BABAM2: variants seen among roughly 807,000 people sequenced by gnomAD.
BABAM2 encodes the protein BRISC and BRCA1 A complex member 2.
Under a neutral mutation model 54.7 loss-of-function variants are expected in BABAM2, and 31 were observed. That is an observed-to-expected ratio of 0.57 (90% CI 0.43 to 0.77). The LOEUF (loss-of-function observed/expected upper bound fraction) is 0.77, where lower values mean the gene tolerates loss of function less well. Among genes scored for constraint, BABAM2 ranks in the 30% least tolerant of loss-of-function variants. The pLI is 0.00. For missense variants in BABAM2, 364 were observed against 455.8 expected, an observed-to-expected ratio of 0.80 and a Z score of 1.83; for synonymous variants, 167 against 162.9, an observed-to-expected ratio of 1.03 and a Z score of -0.19.
rs146319502 is a variant in BABAM2 at position 27,931,705 on chromosome 2, A to G, written c.205+1797A>G. Among the ~76,000 whole-genome samples, 512 of 152,312 alleles carry G rather than the reference A, an allele frequency of 3.4e-3. 1 individual carries two copies. Among genetic ancestry groups the G allele is most frequent in the Non-Finnish European group, 5.2e-3 (357 of 68,020 alleles). On this transcript the variant is annotated intron_variant, in intron 3 of 11. Transcript: ENST00000379624. ...AGTAAGTACCTGGTACCTGGTACAC[A>G]GTTAGCTTCGTTATTACTTAAGGAC... is the stretch of plus-strand genomic sequence containing the variant.
chr2:28,137,379 A>G (rs1341206766), intron 7 of BABAM2, among the ~76,000 whole-genome samples: 1 of 152,178 alleles, frequency 6.6e-6, no homozygotes, highest in Non-Finnish European at 1.5e-5. Flanking sequence ...TGATTTTGGT[A>G]GAGAGAGCTG....
intron 6 of BABAM2, among the ~76,000 whole-genome samples, chr2:28,098,071 C>A (rs1292049924): frequency 6.6e-6 from 1 of 152,180 alleles, no homozygotes; most frequent in African/African-American, 2.4e-5. Context: ...ACTTTTCCAA[C>A]ACATGTTTTA....
At chr2:28,193,310 G>C (rs560139115) in intron 7 of BABAM2, among the ~76,000 whole-genome samples, 2 of 152,182 alleles carry the variant, frequency 1.3e-5, no homozygotes, top group South Asian at 2.1e-4. Context: ...CTACATTCTT[G>C]AGCCCTAGGT....
intron 7 of BABAM2, among the ~76,000 whole-genome samples, chr2:28,163,479 C>T (rs1673309177): frequency 6.6e-6 from 1 of 152,072 alleles, no homozygotes; most frequent in Non-Finnish European, 1.5e-5. Context: ...AGAAAATGTA[C>T]ACATGGTGCT....
chr2:28,279,842 TTTTAGTAGAGATG>T (rs1175974840), intron 10 of BABAM2, among the ~76,000 whole-genome samples: 1 of 151,436 alleles, frequency 6.6e-6, no homozygotes, highest in Non-Finnish European at 1.5e-5. Flanking sequence ...AATTTTGTAT[TTTTAGTAGAGATG>T]GGGTTTCTCC....
At chr2:28,019,235 T>A (rs1217293370) in intron 4 of BABAM2, among the ~76,000 whole-genome samples, 3 of 152,248 alleles carry the variant, frequency 2.0e-5, no homozygotes, top group African/African-American at 7.2e-5. Context: ...CACATTTTCT[T>A]TATCCAGTCT....
At chr2:27,992,139 C>G (rs962834861) in intron 4 of BABAM2, among the ~76,000 whole-genome samples, 5 of 152,126 alleles carry the variant, frequency 3.3e-5, no homozygotes, top group African/African-American at 1.2e-4. Context: ...GCTGGTGATA[C>G]TGAGCATCTT....
intron 7 of BABAM2, among the ~76,000 whole-genome samples, chr2:28,210,732 C>G (rs998174373): frequency 1.3e-5 from 2 of 152,166 alleles, no homozygotes; most frequent in African/African-American, 4.8e-5. Flanking sequence ...ATTAGGTGTT[C>G]CATGAAACTG....
At chr2:28,137,290 GT>G (rs1157960885) in intron 7 of BABAM2, among the ~76,000 whole-genome samples, 1 of 152,132 alleles carries the variant, frequency 6.6e-6, no homozygotes, top group Admixed American at 6.5e-5. Context: ...CTCCTGGAGA[GT>G]TTTTTTCTTT....
intron 5 of BABAM2, among the ~76,000 whole-genome samples, chr2:28,037,480 T>G (rs1272246917): frequency 1.3e-5 from 2 of 152,204 alleles, no homozygotes; most frequent in African/African-American, 2.4e-5. Flanking sequence ...TATTGTTTGC[T>G]TCTAATCTTT....
intron 11 of BABAM2, among the ~76,000 whole-genome samples, chr2:28,337,340 C>T (rs1691557764): frequency 1.3e-5 from 2 of 152,190 alleles, no homozygotes; most frequent in Non-Finnish European, 2.9e-5. Flanking sequence ...TGGACTGTGG[C>T]CCGCGGGACT....
intron 7 of BABAM2, among the ~76,000 whole-genome samples, chr2:28,230,592 T>C (rs1395458389): frequency 6.7e-6 from 1 of 149,570 alleles, no homozygotes; most frequent in Non-Finnish European, 1.5e-5. Flanking sequence ...GGCATGTTGG[T>C]GCACATCTGT....
At chr2:28,243,484 A>G (rs1223503122) in intron 9 of BABAM2, among the ~76,000 whole-genome samples, 1 of 152,038 alleles carries the variant, frequency 6.6e-6, no homozygotes, top group African/African-American at 2.4e-5. Flanking sequence ...GTGAACCGAG[A>G]TCATGCCACT....
Position 27,915,666 on chromosome 2 carries a change from G to A in BABAM2, c.129-14166G>A, listed in dbSNP as rs1267379104. Among the ~76,000 whole-genome samples the A allele has an allele frequency of 5.1e-5, 3 of 59,110 alleles. No individual in the cohort carries two copies. In the East Asian group the frequency reaches 1.4e-3, roughly 27 times the overall value. 38.8% of individuals were successfully genotyped at this position (59,110 alleles called of 152,430 possible). ...AATCATTTAAATATAAGAATTTGAAGATATAAAAAACGTTTTTTTTCTATC... is the reference window on the plus strand; with the variant it reads ...AATCATTTAAATATAAGAATTTGAAAATATAAAAAACGTTTTTTTTCTATC... On this transcript the variant is annotated intron_variant, in intron 2 of 11. Transcript: ENST00000379624.
intron 7 of BABAM2, among the ~76,000 whole-genome samples, chr2:28,204,447 A>G (rs985556419): frequency 3.3e-5 from 5 of 152,142 alleles, no homozygotes; most frequent in African/African-American, 1.2e-4. Context: ...AAGTATAAGC[A>G]CAGGGGACTC....
At chr2:28,112,126 T>C (rs1176111550) in intron 6 of BABAM2, among the ~76,000 whole-genome samples, 2 of 14,484 alleles carry the variant, frequency 1.4e-4, no homozygotes, top group African/African-American at 6.3e-4. Context: ...TCTTTCTTTC[T>C]TTCTTTCTTT....
intron 2 of BABAM2, among the ~76,000 whole-genome samples, chr2:27,913,538 A>G (rs1666755004): frequency 6.6e-6 from 1 of 152,198 alleles, no homozygotes; most frequent in East Asian, 1.9e-4. Flanking sequence ...TCAAATTTTC[A>G]GTTAGTTGGA....
At chr2:28,219,909 TGGTGAGAAAAATCAGGGCC>T (rs1680242002) in intron 7 of BABAM2, among the ~76,000 whole-genome samples, 1 of 152,184 alleles carries the variant, frequency 6.6e-6, no homozygotes, top group South Asian at 2.1e-4. Context: ...GCAGGGACTT[TGGTGAGAAAAATCAGGGCC>T]GGTGAGAAAA....
intron 6 of BABAM2, among the ~76,000 whole-genome samples, chr2:28,121,374 C>T (rs941230052): frequency 3.9e-5 from 6 of 152,296 alleles, no homozygotes; most frequent in African/African-American, 1.4e-4. Context: ...ATGAGACAGA[C>T]CTCTTAGCAG....
Sources: allele counts gnomAD v4.1 joint callset (sites outside exome capture counted in the v4.1 genomes callset), GRCh38; gene constraint gnomAD v4.1.1; transcripts MANE v1.5; gene names NCBI Gene and HGNC (gene_info 2026-07-23, HGNC 2026-07-21).